The following BCAS1 variants were observed in gnomAD, a reference collection of about 807,000 sequenced individuals.
The protein encoded by BCAS1 is brain enriched myelin associated protein 1.
A neutral mutation model predicts 65.4 loss-of-function variants in BCAS1; 46 were observed. The ratio of observed to expected loss-of-function variants is 0.70; its 90% CI spans 0.55 to 0.90. The LOEUF (loss-of-function observed/expected upper bound fraction) is 0.90, where lower values mean the gene tolerates loss of function less well. Among genes scored for constraint, BCAS1 ranks in the 40% least tolerant of loss-of-function variants. The pLI is 0.00. For missense variants in BCAS1, 793 were observed against 771.2 expected (o/e 1.03, Z -0.33); for synonymous variants, 298 against 293.5 (o/e 1.02, Z -0.16).
chr20:53,975,382 A>C lies in BCAS1; in HGVS notation c.1317+7T>G. ...GGAATGATTCTGCCGTGGTGTGTGT[A>C]ACTTACATTCTCCTCCGCACCTGTG... On this transcript the variant is annotated splice_region_variant and intron_variant, in intron 9 of 12. Transcript: ENST00000688948. The C allele has an allele frequency of 1.2e-6, 2 of 1,610,952 alleles. No homozygotes were observed.
intron 4 of BCAS1, among the ~76,000 whole-genome samples, chr20:53,997,875 G>C (rs985359358): frequency 1.3e-5 from 2 of 152,058 alleles, no homozygotes; most frequent in African/African-American, 2.4e-5. Context: ...TGCTGGTTGA[G>C]CATCGTCTTC....
intron 7 of BCAS1, among the ~76,000 whole-genome samples, chr20:53,987,745 C>T (rs1173697397): frequency 6.6e-6 from 1 of 152,086 alleles, no homozygotes; most frequent in East Asian, 1.9e-4. Context: ...AAAGCTAAAT[C>T]AAGGAGTTTG....
rs143929524 is a variant in BCAS1, at chr20:53,996,461, T to TAAAAAA, written c.724-417_724-412dup. On this transcript the variant is annotated intron_variant, in intron 4 of 12. Transcript: ENST00000688948. ...TTCCACAGAGTTGGATTATATCAAC[T>TAAAAAA]AAAAAAAAAAAAAAAAAAAAAGAAA... 8.4e-3 allele frequency among the ~76,000 whole-genome samples: 741 copies of TAAAAAA among 88,354 alleles called. 3 individuals carry two copies. Among genetic ancestry groups the TAAAAAA allele is most frequent in the East Asian group, 0.016 (39 of 2,476 alleles). 58.0% of individuals were successfully genotyped at this position (88,354 alleles called of 152,430 possible).
At chr20:53,957,578 C>T in intron 10 of BCAS1, 81 bp from the exon 11 acceptor site, 1 of 1,302,678 alleles carries the variant, frequency 7.7e-7, no homozygotes, top group Non-Finnish European at 1.1e-6. Context: ...AATGGATGAT[C>T]TCAGTCATTT....
intron 3 of BCAS1, among the ~76,000 whole-genome samples, chr20:54,046,575 G>T (rs1279220104): frequency 6.7e-6 from 1 of 149,744 alleles, no homozygotes; most frequent in Admixed American, 6.7e-5. Flanking sequence ...CAGGTGCAGT[G>T]GCTCATACCT....
chr20:54,026,419 G>A (rs1469397513), intron 4 of BCAS1, among the ~76,000 whole-genome samples: 2 of 152,128 alleles, frequency 1.3e-5, no homozygotes, highest in African/African-American at 2.4e-5. Flanking sequence ...TGAGTGTGTC[G>A]AGGTTTTATG....
chr20:53,961,829 C>G (rs382133), intron 10 of BCAS1, among the ~76,000 whole-genome samples: 35,888 of 152,114 alleles, frequency 0.24, 4,249 homozygotes, highest in African/African-American at 0.28. Context: ...TACCAGCTCC[C>G]GGACCGTGGA....
chr20:53,985,330 G>A lies in BCAS1; in HGVS notation c.1232C>T (p.Ser411Leu), dbSNP rs1215590959. Reference sequence around the variant, plus strand: ...GCCCAGAGGCAGAGAGGTGGGTCCTGATTTCTCCTTGGTGCCTTCCTTCGC... The same window carrying A: ...GCCCAGAGGCAGAGAGGTGGGTCCTAATTTCTCCTTGGTGCCTTCCTTCGC... ...EPAKEGTKEKSGPTSLPLGKL... is the reference protein window; with the variant it reads ...EPAKEGTKEKLGPTSLPLGKL... Residue 411 changes from serine to leucine, a missense_variant, in exon 8 of 13, where the codon TCA (serine) becomes TTA (leucine). Physicochemically the swap from Ser to Leu is moderately radical, Grantham distance 145 (BLOSUM62 -2). Transcript: ENST00000688948. 3 of 1,613,856 alleles carry A rather than the reference G, an allele frequency of 1.9e-6. No individual in the cohort carries two copies. Among genetic ancestry groups the A allele is most frequent in the African/African-American group, 2.7e-5 (2 of 74,924 alleles).
chr20:54,017,819 C>T (rs1336356367), intron 4 of BCAS1, among the ~76,000 whole-genome samples: 1 of 152,104 alleles, frequency 6.6e-6, no homozygotes, highest in African/African-American at 2.4e-5. Flanking sequence ...TGATTAGTTC[C>T]TAACAAGCAC....
intron 9 of BCAS1, among the ~76,000 whole-genome samples, chr20:53,970,420 T>C (rs2090150115): frequency 1.3e-5 from 2 of 152,360 alleles, no homozygotes; most frequent in South Asian, 2.1e-4. Context: ...AGGATCTGAT[T>C]TGCATATACA....
chr20:53,995,141 G>T lies in BCAS1; in HGVS notation c.883-85C>A, dbSNP rs2090872631. The T allele has an allele frequency of 8.3e-6, 10 of 1,208,448 alleles. 1 individual carries two copies. In the South Asian group the frequency reaches 8.9e-5, roughly 11 times the overall value. The allele number at this position is 1,208,448 out of a possible 1,614,324, so 74.9% of individuals were successfully genotyped here. A position where few individuals can be genotyped will look rare whatever the true frequency, so the allele number is the denominator to read the frequency against. ...TCATAGATAAATAACTCTTTAGGGT[G>T]GTCCAGTTCACCATACAGGTCAAGA... On this transcript the variant is annotated intron_variant, in intron 5 of 12. Transcript: ENST00000688948.
At chr20:54,053,030 C>T (rs1224144178) in intron 3 of BCAS1, among the ~76,000 whole-genome samples, 8 of 152,306 alleles carry the variant, frequency 5.3e-5, no homozygotes, top group African/African-American at 1.9e-4. Flanking sequence ...TTTGGCAGAA[C>T]AAGCACATAA....
chr20:53,981,539 CTTTT>C (rs36063430), intron 8 of BCAS1, among the ~76,000 whole-genome samples: 6 of 130,734 alleles, frequency 4.6e-5, no homozygotes, highest in African/African-American at 8.4e-5. Flanking sequence ...ATTTGGCGTT[CTTTT>C]TTTTTTTTTT....
intron 4 of BCAS1, among the ~76,000 whole-genome samples, chr20:54,010,124 A>G (rs1186016798): frequency 6.6e-6 from 1 of 152,168 alleles, no homozygotes; most frequent in African/African-American, 2.4e-5. Context: ...AACTAACATT[A>G]TCCTTAATTC....
At chr20:54,019,991 T>A (rs990706219) in intron 4 of BCAS1, among the ~76,000 whole-genome samples, 2 of 152,242 alleles carry the variant, frequency 1.3e-5, no homozygotes, top group Admixed American at 1.3e-4. Context: ...TTCTCCTTAA[T>A]AAACTCCCTT....
intron 7 of BCAS1, among the ~76,000 whole-genome samples, chr20:53,990,002 T>C (rs2090713697): frequency 6.6e-6 from 1 of 152,248 alleles, no homozygotes; most frequent in African/African-American, 2.4e-5. Flanking sequence ...GAAATTCTAG[T>C]GGATTCAATT....
chr20:53,966,509 G>C (rs980427403), intron 10 of BCAS1, among the ~76,000 whole-genome samples: 1 of 152,168 alleles, frequency 6.6e-6, no homozygotes, highest in African/African-American at 2.4e-5. Context: ...AGGGATAAAA[G>C]ACTGCATACT....
intron 12 of BCAS1, among the ~76,000 whole-genome samples, chr20:53,950,626 A>C (rs145913818): frequency 6.6e-6 from 1 of 152,202 alleles, no homozygotes. Context: ...TTTTAAACTT[A>C]TCTACTAATA....
chr20:53,951,653 T>C (rs889379999), intron 12 of BCAS1, among the ~76,000 whole-genome samples: 1 of 152,226 alleles, frequency 6.6e-6, no homozygotes, highest in Non-Finnish European at 1.5e-5. Context: ...TGTGTGTTAA[T>C]AGATCCCTGG....
Sources: allele counts gnomAD v4.1 joint callset (sites outside exome capture counted in the v4.1 genomes callset), GRCh38; gene constraint gnomAD v4.1.1; transcripts MANE v1.5; gene names NCBI Gene and HGNC (gene_info 2026-07-23, HGNC 2026-07-21).